Variants in TESMIN observed in about 807,000 individuals in gnomAD.
The protein encoded by TESMIN is CXC domain containing 2.
In TESMIN, 34 loss-of-function variants were observed where a neutral mutation model predicts 47.4. That is an observed-to-expected ratio of 0.72 (90% CI 0.55 to 0.96). The LOEUF (loss-of-function observed/expected upper bound fraction) is 0.96, where lower values mean the gene tolerates loss of function less well. Among genes scored for constraint, TESMIN ranks in the 40% least tolerant of loss-of-function variants. The pLI, the probability that TESMIN is intolerant of heterozygous loss-of-function variation, is 0.00. For synonymous variants in TESMIN, 278 were observed against 258.9 expected, an observed-to-expected ratio of 1.07 and a Z score of -0.71; for missense variants, 610 against 637.2, an observed-to-expected ratio of 0.96 and a Z score of 0.46.
At chr11:68,734,130 A>T (rs1425600006) in intron 6 of TESMIN, among the ~76,000 whole-genome samples, 44 of 152,228 alleles carry the variant, frequency 2.9e-4, no homozygotes, top group Admixed American at 2.9e-3. Context: ...TCATCTTCAG[A>T]TATACCAGTG....
At chr11:68,747,059 G>T in intron 3 of TESMIN, 149 bp downstream of exon 3, 1 of 752,000 alleles carries the variant, frequency 1.3e-6, no homozygotes, top group Non-Finnish European at 2.2e-6. Flanking sequence ...AAAGGCTCAT[G>T]TCCCTGTTTT....
chr11:68,739,277 A>G (rs1946429035), intron 5 of TESMIN, among the ~76,000 whole-genome samples: 1 of 152,210 alleles, frequency 6.6e-6, no homozygotes, highest in Non-Finnish European at 1.5e-5. Context: ...CAATGTCATC[A>G]TCTCTGCATT....
intron 3 of TESMIN, 106 bp from the exon 4 acceptor site, chr11:68,745,217 C>A: frequency 1.8e-5 from 16 of 909,878 alleles, no homozygotes; most frequent in Admixed American, 3.8e-5. Flanking sequence ...CCAGAAGTTA[C>A]ATTTTAATGG....
At position 68,719,449 on chromosome 11, in the gene TESMIN, G is replaced by A. The variant is rs1046664947; in HGVS notation, c.918-3510C>T. ...GTGGGAAATGTGTGTGTTGGTAGGG[G>A]TTGGTGTGTGAGTGGGAGAGGAAAT... is the stretch of plus-strand genomic sequence containing the variant. On this transcript the variant is annotated intron_variant, in intron 6 of 9. Transcript: ENST00000255087. Among the ~76,000 whole-genome samples the A allele has an allele frequency of 2.2e-4, 33 of 152,176 alleles. 1 individual carries two copies. Among genetic ancestry groups the A allele is most frequent in the Non-Finnish European group, 7.3e-5 (5 of 68,030 alleles).
At chr11:68,731,531 T>G (rs918120702) in intron 6 of TESMIN, among the ~76,000 whole-genome samples, 1 of 152,174 alleles carries the variant, frequency 6.6e-6, no homozygotes, top group Non-Finnish European at 1.5e-5. Flanking sequence ...CAGCAGAGAC[T>G]CCCATGAGAG....
At chr11:68,745,261 T>C in intron 3 of TESMIN, 150 bp from the exon 4 acceptor site, 1 of 644,862 alleles carries the variant, frequency 1.6e-6, no homozygotes, top group Admixed American at 3.9e-5. Flanking sequence ...TTTCGATTTC[T>C]TACTCTACAC....
At chr11:68,717,350 G>C in intron 6 of TESMIN, among the ~76,000 whole-genome samples, 1 of 152,126 alleles carries the variant, frequency 6.6e-6, no homozygotes, top group Non-Finnish European at 1.5e-5. Context: ...GCAGACAGGA[G>C]ACAAAGTCTG....
chr11:68,708,582 G>C (rs543921022), intron 9 of TESMIN, 82 bp from the exon 10 acceptor site: 9 of 1,193,350 alleles, frequency 7.5e-6, no homozygotes, highest in African/African-American at 1.6e-5. Context: ...ACAGAACATT[G>C]CTTGTCCATG....
At chr11:68,733,116 C>T (rs150281234) in intron 6 of TESMIN, among the ~76,000 whole-genome samples, 3 of 152,320 alleles carry the variant, frequency 2.0e-5, no homozygotes, top group Non-Finnish European at 4.4e-5. Context: ...GAAACTGATG[C>T]CCCTAGTGCT....
intron 6 of TESMIN, chr11:68,736,304 A>G (rs1946386328): frequency 4.1e-6 from 4 of 985,466 alleles, no homozygotes; most frequent in Middle Eastern, 5.2e-4. Flanking sequence ...AAGCTAGTTA[A>G]TAAGTTAGCC....
rs148779242 is a variant in TESMIN, at chr11:68,737,363, C to T, written c.917+1337G>A. The T allele has an allele frequency of 3.1e-3, 3,055 of 985,552 alleles. 5 individuals are homozygous for T. The highest frequency in any genetic ancestry group is 3.4e-3 in the Non-Finnish European group (2,852 of 830,010). The allele number at this position is 985,552 out of a possible 1,614,324, so 61.1% of individuals were successfully genotyped here. A position where few individuals can be genotyped will look rare whatever the true frequency, so the allele number is the denominator to read the frequency against. On this transcript the variant is annotated intron_variant, in intron 6 of 9. Coordinates refer to ENST00000255087, the MANE Select transcript of TESMIN (RefSeq NM_004923.3). Reference sequence around the variant, plus strand: ...CACTGCAGAAACTGAAGCAGCGGTGCCCAGGAGCAACCAACGCCCTTCAGC... The same window carrying T: ...CACTGCAGAAACTGAAGCAGCGGTGTCCAGGAGCAACCAACGCCCTTCAGC...
chr11:68,737,992 G>A (rs1946408245), intron 6 of TESMIN: 1 of 985,658 alleles, frequency 1.0e-6, no homozygotes, highest in Non-Finnish European at 1.2e-6. Flanking sequence ...GCAGGAATAT[G>A]CTGATCTCCA....
rs769211031 is a variant in TESMIN, at chr11:68,750,321, C to T, written c.340G>A (p.Ala114Thr). ...ACGTTGCAGGCGGGCGGCTGCGGGG[C>T]CTGCAGGAGCGCGACGTCCTCCAGC... ...SALEDVALLQAPQPPACNVHF... is the reference protein window; with the variant it reads ...SALEDVALLQTPQPPACNVHF... Residue 114 changes from alanine to threonine, a missense_variant, in exon 2 of 10, where the codon GCC (alanine) becomes ACC (threonine). Coordinates refer to ENST00000255087, the MANE Select transcript of TESMIN (RefSeq NM_004923.3). 3.5e-5 allele frequency: 53 copies of T among 1,510,212 alleles called. No homozygotes were observed. The East Asian group carries it at 1.3e-3, about 37-fold the overall frequency. 93.6% of individuals were successfully genotyped at this position (1,510,212 alleles called of 1,614,324 possible). A position where few individuals can be genotyped will look rare whatever the true frequency, so the allele number is the denominator to read the frequency against.
At chr11:68,715,775 A>G in intron 7 of TESMIN, 62 bp downstream of exon 7, 1 of 1,208,044 alleles carries the variant, frequency 8.3e-7, no homozygotes, top group Non-Finnish European at 1.2e-6. Flanking sequence ...AGGTGATTTT[A>G]TGAACATCTC....
At chr11:68,723,624 C>A (rs985754274) in intron 6 of TESMIN, among the ~76,000 whole-genome samples, 2 of 151,952 alleles carry the variant, frequency 1.3e-5, no homozygotes, top group African/African-American at 4.8e-5. Context: ...AAACCAAAAG[C>A]TGGTGCTCTG....
intron 6 of TESMIN, among the ~76,000 whole-genome samples, chr11:68,719,075 T>C (rs1946174831): frequency 1.3e-5 from 2 of 152,122 alleles, no homozygotes; most frequent in Admixed American, 1.3e-4. Context: ...GTGAACCCCT[T>C]AGCATGATAG....
chr11:68,706,721 T>C (rs1946002247), downstream of TESMIN, among the ~76,000 whole-genome samples: 1 of 152,252 alleles, frequency 6.6e-6, no homozygotes, highest in African/African-American at 2.4e-5. Context: ...ATTGAAACGA[T>C]AGTATTTTGG....
At chr11:68,732,885 C>G (rs559896979) in intron 6 of TESMIN, 1 of 152,256 alleles carries the variant, frequency 6.6e-6, no homozygotes, top group Non-Finnish European at 1.5e-5. Context: ...TGTCCCATCA[C>G]TGGGGCTCTC....
chr11:68,741,811 A>T (rs1015561010), intron 5 of TESMIN, among the ~76,000 whole-genome samples: 16 of 152,352 alleles, frequency 1.1e-4, no homozygotes, highest in Admixed American at 9.1e-4. Flanking sequence ...CAGCACTGTG[A>T]CTGTGGCTGG....
Sources: gnomAD v4.1 joint callset for allele counts (sites outside exome capture counted in the v4.1 genomes callset) on GRCh38, gnomAD v4.1.1 for gene constraint, MANE v1.5 for transcripts, NCBI Gene and HGNC (gene_info 2026-07-23, HGNC 2026-07-21) for gene names.